SLC25A15: variants seen among roughly 807,000 people sequenced by gnomAD.
SLC25A15 encodes solute carrier family 25 member 15, also known as mitochondrial ornithine transporter 1.
A neutral mutation model predicts 32.3 loss-of-function variants in SLC25A15; 24 were observed. The ratio of observed to expected loss-of-function variants is 0.74; its 90% CI spans 0.54 to 1.04. SLC25A15 has a LOEUF of 1.04. Among genes scored for constraint, SLC25A15 ranks in the 50% least tolerant of loss-of-function variants. SLC25A15 has a pLI of 0.00. For missense variants in SLC25A15, 317 were observed against 374.5 expected (o/e 0.85, Z 1.27); for synonymous variants, 132 against 142.1 (o/e 0.93, Z 0.51).
chr13:40,807,006 T>C (rs900583215), intron 4 of SLC25A15, among the ~76,000 whole-genome samples: 15 of 152,216 alleles, frequency 9.9e-5, no homozygotes, highest in African/African-American at 3.6e-4. Flanking sequence ...CCTGAACAAA[T>C]TTCCCAAAAA....
intron 2 of SLC25A15, among the ~76,000 whole-genome samples, chr13:40,794,706 C>T (rs577609415): frequency 6.6e-5 from 10 of 152,258 alleles, no homozygotes; most frequent in Admixed American, 4.6e-4. Context: ...CCTGGGCTCC[C>T]GCAGGATTCT....
chr13:40,797,030 G>A (rs1476817748), intron 2 of SLC25A15, among the ~76,000 whole-genome samples: 1 of 152,144 alleles, frequency 6.6e-6, no homozygotes, highest in East Asian at 1.9e-4. Flanking sequence ...TGGCTTTATG[G>A]ACTTGATCGA....
chr13:40,807,689 C>T (rs541679821), intron 5 of SLC25A15, among the ~76,000 whole-genome samples: 2 of 152,274 alleles, frequency 1.3e-5, no homozygotes, highest in East Asian at 3.9e-4. Context: ...GCAGTACATC[C>T]CAAACTTTCT....
chr13:40,804,096 C>G (rs1350886747), intron 3 of SLC25A15, among the ~76,000 whole-genome samples: 1 of 152,198 alleles, frequency 6.6e-6, no homozygotes, highest in Admixed American at 6.5e-5. Flanking sequence ...TCTGAAAAGT[C>G]TAATATCAAG....
At chr13:40,804,724 G>C (rs1011986296) in intron 3 of SLC25A15, among the ~76,000 whole-genome samples, 2 of 136,066 alleles carry the variant, frequency 1.5e-5, no homozygotes, top group African/African-American at 5.6e-5. Flanking sequence ...TTTTTTTTTT[G>C]TATTTTTAGT....
intron 1 of SLC25A15, 48 bp from the exon 2 acceptor site, chr13:40,793,110 C>A: frequency 1.9e-6 from 2 of 1,027,252 alleles, no homozygotes; most frequent in Admixed American, 1.9e-5. Context: ...GCCTAGAGAA[C>A]AGGATGCTGC....
chr13:40,809,478 G>A, intron 6 of SLC25A15, 65 bp from the exon 7 acceptor site: 1 of 1,603,564 alleles, frequency 6.2e-7, no homozygotes, highest in South Asian at 1.1e-5. Context: ...CCTATGCTAT[G>A]CAGCTGCGTG....
At chr13:40,794,758 G>A (rs1881617452) in intron 2 of SLC25A15, among the ~76,000 whole-genome samples, 1 of 152,170 alleles carries the variant, frequency 6.6e-6, no homozygotes, top group Non-Finnish European at 1.5e-5. Flanking sequence ...GCCAGCGGGG[G>A]TGTTGCCCAG....
chr13:40,799,137 G>C lies in SLC25A15; in HGVS notation c.136G>C (p.Gly46Arg). 1 of 1,614,142 alleles carries C rather than the reference G, an allele frequency of 6.2e-7. No individual in the cohort carries two copies. The highest frequency in any genetic ancestry group is 1.1e-5 in the South Asian group (1 of 91,076). ...GCAGACGTTCCCTGACCTGTACCGG[G>C]GCCTCACCGACTGCTGCCTGAAGAC... Reference protein sequence around the residue: ...KMQTFPDLYRGLTDCCLKTYS... With the variant: ...KMQTFPDLYRRLTDCCLKTYS... The change falls in exon 3 of 7, where the codon GGC (glycine) becomes CGC (arginine). Residue 46 changes from glycine to arginine, a missense_variant. By Grantham distance (125) the Gly-to-Arg change is moderately radical. Transcript: ENST00000338625.
chr13:40,804,708 A>G (rs1021978130), intron 3 of SLC25A15, among the ~76,000 whole-genome samples: 3 of 141,770 alleles, frequency 2.1e-5, no homozygotes, highest in Non-Finnish European at 4.7e-5. Context: ...CGCCCGGCTA[A>G]TTTTTTTTTT....
At chr13:40,791,490 T>C (rs1297633666) in intron 1 of SLC25A15, among the ~76,000 whole-genome samples, 1 of 151,916 alleles carries the variant, frequency 6.6e-6, no homozygotes, top group African/African-American at 2.4e-5. Context: ...CCTGAGTAGC[T>C]GGGACTACAG....
intron 6 of SLC25A15, 143 bp from the exon 7 acceptor site, chr13:40,809,400 T>C: frequency 9.8e-7 from 1 of 1,017,446 alleles, no homozygotes; most frequent in Non-Finnish European, 1.5e-6. Context: ...TAGGAAAAGC[T>C]GGGAATGCAT....
Position 40,808,661 on chromosome 13 carries a change from T to C in SLC25A15, c.781+65T>C, listed in dbSNP as rs1380000553. On this transcript the variant is annotated intron_variant, in intron 6 of 6. Coordinates refer to ENST00000338625, the MANE Select transcript of SLC25A15 (RefSeq NM_014252.4). Reference sequence around the variant, plus strand: ...TAAAATCTGAGATACGGGCCGGGCGTGGTGGCTCATGCCTGTGATCCCAGC... The same window carrying C: ...TAAAATCTGAGATACGGGCCGGGCGCGGTGGCTCATGCCTGTGATCCCAGC... 1.8e-5 allele frequency: 26 copies of C among 1,460,454 alleles called. 1 individual carries two copies. The Middle Eastern group carries it at 7.8e-4, about 44-fold the overall frequency. The allele number at this position is 1,460,454 out of a possible 1,614,324, so 90.5% of individuals were successfully genotyped here.
chr13:40,801,822 A>G (rs1881903309), intron 3 of SLC25A15, among the ~76,000 whole-genome samples: 1 of 152,342 alleles, frequency 6.6e-6, no homozygotes, highest in South Asian at 2.1e-4. Flanking sequence ...GATTCTTACA[A>G]AATCCCATCC....
intron 6 of SLC25A15, among the ~76,000 whole-genome samples, chr13:40,808,932 CAAAA>C (rs58015661): frequency 3.8e-5 from 3 of 78,846 alleles, no homozygotes; most frequent in Admixed American, 1.6e-4. Context: ...GACTCTGTCT[CAAAA>C]AAAAAAAAAA....
At chr13:40,803,186 C>T (rs1157025181) in intron 3 of SLC25A15, among the ~76,000 whole-genome samples, 2 of 151,702 alleles carry the variant, frequency 1.3e-5, no homozygotes, top group Admixed American at 6.6e-5. Flanking sequence ...AGAAGCCTTT[C>T]TTCTGAAACA....
intron 4 of SLC25A15, among the ~76,000 whole-genome samples, chr13:40,806,819 T>C (rs1422453735): frequency 6.6e-6 from 1 of 152,232 alleles, no homozygotes; most frequent in East Asian, 1.9e-4. Context: ...TTCTGGCTGC[T>C]ACAGGAGCAG....
chr13:40,810,691 G>T lies in SLC25A15; in HGVS notation c.*1024G>T. 1.9e-6 allele frequency: 1 copy of T among 527,168 alleles called. No individual in the cohort carries two copies. Among genetic ancestry groups the T allele is most frequent in the South Asian group, 1.4e-5 (1 of 70,800 alleles). The allele number at this position is 527,168 out of a possible 1,614,324, so 32.7% of individuals were successfully genotyped here. On this transcript the variant is annotated 3_prime_UTR_variant, in exon 7 of 7. Transcript: ENST00000338625. The stretch of plus-strand genomic sequence containing the variant: ...ACTATATTGCTAGGGGTGGCCCAGA[G>T]GGTCAGGCCTTTGGGAAATAGCATG...
At chr13:40,809,498 A>G (rs549176040) in intron 6 of SLC25A15, 45 bp from the exon 7 acceptor site, 1 of 1,611,694 alleles carries the variant, frequency 6.2e-7, no homozygotes, top group African/African-American at 1.3e-5. Context: ...GGGTATCCCC[A>G]AAGGAGGGAT....
Sources: gnomAD v4.1 joint callset for allele counts (sites outside exome capture counted in the v4.1 genomes callset) on GRCh38, gnomAD v4.1.1 for gene constraint, MANE v1.5 for transcripts, NCBI Gene and HGNC (gene_info 2026-07-23, HGNC 2026-07-21) for gene names.